Variants in AFG1L observed in about 807,000 individuals in gnomAD.
AFG1L encodes the protein AFG1 like ATPase.
Under a neutral mutation model 62.2 loss-of-function variants are expected in AFG1L, and 53 were observed. That is an observed-to-expected ratio of 0.85 (90% CI 0.68 to 1.07). The LOEUF (loss-of-function observed/expected upper bound fraction) is 1.07. Among genes scored for constraint, AFG1L ranks in the 50% least tolerant of loss-of-function variants. The pLI, the probability that AFG1L is intolerant of heterozygous loss-of-function variation, is 0.00. For synonymous variants in AFG1L, 228 were observed against 210.3 expected (o/e 1.08, Z -0.73); for missense variants, 555 against 590.5 (o/e 0.94, Z 0.62).
chr6:108,295,574 C>T (rs2114805628), intron 1 of AFG1L, among the ~76,000 whole-genome samples: 1 of 152,216 alleles, frequency 6.6e-6, no homozygotes, highest in South Asian at 2.1e-4. Flanking sequence ...GCTCTCGGGG[C>T]TGGTGACTGA....
At chr6:108,323,722 T>C in intron 1 of AFG1L, 103 bp from the exon 2 acceptor site, 6 of 723,988 alleles carry the variant, frequency 8.3e-6, no homozygotes, top group Non-Finnish European at 1.4e-5. Context: ...CCAATAGATA[T>C]ACTTGTAACT....
intron 10 of AFG1L, among the ~76,000 whole-genome samples, chr6:108,477,858 T>G (rs992899877): frequency 5.3e-5 from 8 of 152,208 alleles, no homozygotes; most frequent in Non-Finnish European, 1.0e-4. Context: ...CTGAGAAAGA[T>G]CTTGACTGCA....
chr6:108,495,269 A>G (rs1773930299), intron 10 of AFG1L, among the ~76,000 whole-genome samples: 1 of 152,238 alleles, frequency 6.6e-6, no homozygotes, highest in Admixed American at 6.5e-5. Context: ...AAAGTAAGAT[A>G]CCACGCATGT....
At chr6:108,505,861 A>G (rs557632089) in intron 10 of AFG1L, among the ~76,000 whole-genome samples, 7 of 152,348 alleles carry the variant, frequency 4.6e-5, no homozygotes, top group African/African-American at 1.4e-4. Context: ...ACCTAGGTGC[A>G]TTTAAAGTAT....
At chr6:108,341,080 T>G (rs1778663140) in intron 2 of AFG1L, among the ~76,000 whole-genome samples, 1 of 152,148 alleles carries the variant, frequency 6.6e-6, no homozygotes, top group Admixed American at 6.5e-5. Context: ...CTGTCAGACT[T>G]TTTTCAGCAA....
chr6:108,419,486 C>T (rs1008125690), intron 7 of AFG1L, among the ~76,000 whole-genome samples: 1 of 152,080 alleles, frequency 6.6e-6, no homozygotes, highest in Non-Finnish European at 1.5e-5. Flanking sequence ...AAAATAATTC[C>T]AGCATTAACT....
At chr6:108,351,862 T>G (rs1779094318) in intron 3 of AFG1L, among the ~76,000 whole-genome samples, 3 of 151,082 alleles carry the variant, frequency 2.0e-5, no homozygotes, top group Admixed American at 1.3e-4. Context: ...ATCCTTGCCT[T>G]TGTCAAATTG....
At chr6:108,296,282 GTAAA>G (rs1776764530) in intron 1 of AFG1L, among the ~76,000 whole-genome samples, 1 of 152,124 alleles carries the variant, frequency 6.6e-6, no homozygotes, top group Admixed American at 6.6e-5. Context: ...GTCGTTAAAA[GTAAA>G]TAAATAAATA....
Position 108,355,768 on chromosome 6 carries a change from C to T in AFG1L, c.517+13C>T. 1 of 1,559,362 alleles carries T rather than the reference C, an allele frequency of 6.4e-7. No individual in the cohort carries two copies. On this transcript the variant is annotated intron_variant, in intron 4 of 12. Coordinates refer to ENST00000368977, the MANE Select transcript of AFG1L (RefSeq NM_145315.5). ...GATGTGCACAAAAGTAAGCAATGAT[C>T]TGAAAGAAGTGATTTTTTCAGTGGG... is the stretch of plus-strand genomic sequence containing the variant.
intron 6 of AFG1L, among the ~76,000 whole-genome samples, chr6:108,381,904 G>T (rs985768187): frequency 2.0e-5 from 3 of 151,902 alleles, no homozygotes; most frequent in Admixed American, 1.3e-4. Context: ...TGCTTCTTTG[G>T]CAGATTAACA....
chr6:108,420,727 A>G (rs1445909875), intron 7 of AFG1L, among the ~76,000 whole-genome samples: 1 of 152,034 alleles, frequency 6.6e-6, no homozygotes, highest in Admixed American at 6.6e-5. Context: ...TAAAATAAAA[A>G]TAAAGATTTT....
At chr6:108,397,889 A>AT (rs777032823) in intron 6 of AFG1L, among the ~76,000 whole-genome samples, 27 of 152,280 alleles carry the variant, frequency 1.8e-4, no homozygotes, top group Non-Finnish European at 3.8e-4. Context: ...AATCTTGGTT[A>AT]TTGTGAACAG....
At chr6:108,486,492 T>G (rs1216691189) in intron 10 of AFG1L, among the ~76,000 whole-genome samples, 1 of 152,204 alleles carries the variant, frequency 6.6e-6, no homozygotes, top group African/African-American at 2.4e-5. Context: ...TTTTGTTTTT[T>G]AAAATGGCTT....
At chr6:108,365,937 T>C (rs1779739805) in intron 5 of AFG1L, among the ~76,000 whole-genome samples, 1 of 152,084 alleles carries the variant, frequency 6.6e-6, no homozygotes, top group African/African-American at 2.4e-5. Context: ...TAATTAGACT[T>C]CCTAAATGTT....
At chr6:108,421,757 T>C (rs1450214531) in intron 7 of AFG1L, among the ~76,000 whole-genome samples, 1 of 152,164 alleles carries the variant, frequency 6.6e-6, no homozygotes, top group East Asian at 1.9e-4. Flanking sequence ...CTTTAGCTTT[T>C]GTTTAAACCT....
chr6:108,362,090 C>T (rs1287683129), intron 5 of AFG1L, among the ~76,000 whole-genome samples: 1 of 152,134 alleles, frequency 6.6e-6, no homozygotes, highest in Non-Finnish European at 1.5e-5. Flanking sequence ...TATTAAGTCC[C>T]ACTCCCCTTA....
rs143580341 is a variant in AFG1L at position 108,508,240 on chromosome 6, TA to T, written c.1063-1970del. ...GAGCCCTCACTCCCACCTTCTCTAT[TA>T]ACACGTGCTCCTGGTCTGTATTGGG... On this transcript the variant is annotated intron_variant, in intron 10 of 12. Transcript: ENST00000368977. Among the ~76,000 whole-genome samples the T allele has an allele frequency of 8.7e-3, 1,318 of 152,184 alleles. 29 individuals carry two copies. The highest frequency in any genetic ancestry group is 0.029 in the African/African-American group (1,223 of 41,498).
At chr6:108,404,829 G>A (rs1268756233) in intron 7 of AFG1L, among the ~76,000 whole-genome samples, 1 of 152,062 alleles carries the variant, frequency 6.6e-6, no homozygotes, top group African/African-American at 2.4e-5. Context: ...CCAGGTTCAA[G>A]CAATTTTCCT....
chr6:108,303,671 TCAA>T (rs1319004610), intron 1 of AFG1L, among the ~76,000 whole-genome samples: 2 of 152,232 alleles, frequency 1.3e-5, no homozygotes, highest in Admixed American at 6.6e-5. Flanking sequence ...GTGGCAGTTT[TCAA>T]CAAGTTTTTA....
Sources: allele counts gnomAD v4.1 joint callset (sites outside exome capture counted in the v4.1 genomes callset), GRCh38; gene constraint gnomAD v4.1.1; transcripts MANE v1.5; gene names NCBI Gene and HGNC (gene_info 2026-07-23, HGNC 2026-07-21).